The following EPHA2 variants were observed in gnomAD, a reference collection of about 807,000 sequenced individuals.
The protein encoded by EPHA2 is EPH receptor A2.
In EPHA2, 54 loss-of-function variants were observed where a neutral mutation model predicts 104.9. The ratio of observed to expected loss-of-function variants is 0.51; its 90% CI spans 0.41 to 0.65. EPHA2 has a LOEUF of 0.65. Among genes scored for constraint, EPHA2 ranks in the 30% least tolerant of loss-of-function variants. EPHA2 has a pLI of 0.00. For missense variants in EPHA2, 1,117 were observed against 1,369.5 expected, an observed-to-expected ratio of 0.82 and a Z score of 2.91; for synonymous variants, 560 against 559.1, an observed-to-expected ratio of 1.00 and a Z score of -0.02.
In EPHA2 at chr1:16,131,871, C is replaced by G; in HGVS notation, c.2326-1G>C. 1 of 1,613,546 alleles carries G rather than the reference C, an allele frequency of 6.2e-7. No homozygotes were observed. The highest frequency in any genetic ancestry group is 8.5e-7 in the Non-Finnish European group (1 of 1,179,856). The stretch of plus-strand genomic sequence containing the variant: ...TCCAGCGGATGGGGATCTTGCCGCC[C>G]TGCAGGGAACCCAGGCCCAGTCACC... On this transcript the variant is annotated splice_acceptor_variant, in intron 13 of 16. Coordinates refer to ENST00000358432, the MANE Select transcript of EPHA2 (RefSeq NM_004431.5). LOFTEE classifies it high-confidence loss of function. This position sits in a 1 kb window ranked among gnomAD's most constrained non-coding sequence, Gnocchi z 5.2.
At chr1:16,153,188 T>A (rs1250663486) in intron 1 of EPHA2, 11 of 984,778 alleles carry the variant, frequency 1.1e-5, no homozygotes, top group Non-Finnish European at 1.2e-5. Flanking sequence ...GTAAGTGCCA[T>A]CTTTGTGGGT....
In EPHA2 at chr1:16,137,445, A is replaced by G. The variant is rs1001775358; in HGVS notation, c.1312+408T>C. Among the ~76,000 whole-genome samples the G allele has an allele frequency of 1.5e-4, 23 of 151,968 alleles. 1 individual carries two copies. Among genetic ancestry groups the G allele is most frequent in the Admixed American group, 3.9e-4 (6 of 15,246 alleles). ...AACCCTGTCTCTCCTAAAAATACAAAAAATTAGCTGTGTGTGGTGGCACGT... is the reference window on the plus strand; with the variant it reads ...AACCCTGTCTCTCCTAAAAATACAAGAAATTAGCTGTGTGTGGTGGCACGT... On this transcript the variant is annotated intron_variant, in intron 5 of 16. Transcript: ENST00000358432.
rs1398675313 is a variant in EPHA2 at position 16,134,067 on chromosome 1, AG to A, written c.1683-153del. ...CTTTTGCTGCCCAAGCTCCACTCTC[AG>A]GGCCGAGGGTGCGGAGAAGGCGGGT... On this transcript the variant is annotated intron_variant, in intron 8 of 16. Coordinates refer to ENST00000358432, the MANE Select transcript of EPHA2 (RefSeq NM_004431.5). This position sits in a 1 kb window ranked among gnomAD's most constrained non-coding sequence, Gnocchi z 4.5. 5 of 770,462 alleles carry A rather than the reference AG, an allele frequency of 6.5e-6. No homozygotes were observed. The African/African-American group carries it at 8.8e-5, about 14-fold the overall frequency. 47.7% of individuals were successfully genotyped at this position (770,462 alleles called of 1,614,324 possible).
At chr1:16,154,756 CAAAAAAAAAAAAAAA>C (rs558609049) in intron 1 of EPHA2, among the ~76,000 whole-genome samples, 1 of 66,872 alleles carries the variant, frequency 1.5e-5, no homozygotes, top group Non-Finnish European at 2.8e-5. Flanking sequence ...AACTCCGTCT[CAAAAAAAAAAAAAAA>C]AAAAAAAAAG....
Position 16,138,291 on chromosome 1 carries a change from C to T in EPHA2, c.963G>A (p.Ala321=), listed in dbSNP as rs559558764. 4.3e-6 allele frequency: 7 copies of T among 1,613,552 alleles called. No individual in the cohort carries two copies. The highest frequency in any genetic ancestry group is 1.7e-5 in the Admixed American group (1 of 59,994). ...EGFFRAPQDP[A]SMPCTRPPSA... is the part of the protein sequence containing the mutation. ...AAGACTCACGTGTGCAAGGCATCGA[C>T]GCTGGGTCCTGAGGTGCCCGGAAGA... Residue 321 remains alanine (A), a synonymous_variant, in exon 4 of 17, where the codon GCG becomes GCA. Transcript: ENST00000358432.
At chr1:16,149,152 G>A (rs899553618) in intron 2 of EPHA2, 105 bp from the exon 3 acceptor site, 87 of 1,262,566 alleles carry the variant, frequency 6.9e-5, no homozygotes, top group South Asian at 1.4e-4. Context: ...CGTGCTCTCC[G>A]GGTTCTACGG....
intron 3 of EPHA2, among the ~76,000 whole-genome samples, chr1:16,144,578 T>C (rs1310405768): frequency 2.0e-5 from 3 of 152,140 alleles, no homozygotes; most frequent in Non-Finnish European, 2.9e-5. Context: ...TCACCACACT[T>C]GTGTCACACA....
chr1:16,128,803 C>A lies in EPHA2; in HGVS notation c.2825+631G>T, dbSNP rs2024516969. ...AAGTGGCACTTCTCACCAGGTGGGA[C>A]TGCAGGCTGAGAGCCAACCAAGTGG... On this transcript the variant is annotated intron_variant, in intron 16 of 16. Coordinates refer to ENST00000358432, the MANE Select transcript of EPHA2 (RefSeq NM_004431.5). The surrounding 1 kb of genome is among the most constrained non-coding windows in gnomAD (Gnocchi z 4.7). 6.6e-6 allele frequency among the ~76,000 whole-genome samples: 1 copy of A among 152,146 alleles called. No homozygotes were observed. Among genetic ancestry groups the A allele is most frequent in the Non-Finnish European group, 1.5e-5 (1 of 68,008 alleles).
chr1:16,136,867 C>T (rs1320071736), intron 5 of EPHA2, among the ~76,000 whole-genome samples: 4 of 150,136 alleles, frequency 2.7e-5, no homozygotes, highest in Admixed American at 6.6e-5. Context: ...GGTGCGATCT[C>T]GGCTCACCGC....
In EPHA2 at chr1:16,128,687, C is replaced by T. The variant is rs1308323574; in HGVS notation, c.2825+747G>A. ...GGAGGTGTCTGTGCCAAGGCCATGC[C>T]GGGAAAAGTCTCAATGCTGGAGTTG... is the stretch of plus-strand genomic sequence containing the variant. On this transcript the variant is annotated intron_variant, in intron 16 of 16. Coordinates refer to ENST00000358432, the MANE Select transcript of EPHA2 (RefSeq NM_004431.5). The surrounding 1 kb of genome is among the most constrained non-coding windows in gnomAD (Gnocchi z 4.7). Among the ~76,000 whole-genome samples the T allele has an allele frequency of 6.6e-6, 1 of 152,104 alleles. No individual in the cohort carries two copies. Among genetic ancestry groups the T allele is most frequent in the African/African-American group, 2.4e-5 (1 of 41,422 alleles).
rs773916211 is a variant in EPHA2, at chr1:16,150,927, A to G, written c.122T>C (p.Leu41Pro). 3.1e-6 allele frequency: 5 copies of G among 1,614,062 alleles called. No individual in the cohort carries two copies. The Admixed American group carries it at 8.3e-5, about 27-fold the overall frequency. ...GCCATACGGGTGTGTGAGCCAGCCG[A>G]GCTCCCCTCCAGCTGCAGCAAAGTC... The part of the protein sequence containing the change: ...LLDFAAAGGE[L>P]GWLTHPYGKG... Residue 41 changes from leucine (L) to proline (P), a missense_variant, in exon 2 of 17, where the codon CTC becomes CCC. Physicochemically the swap from Leu to Pro is moderately conservative, Grantham distance 98. Transcript: ENST00000358432. This position sits in a 1 kb window ranked among gnomAD's most constrained non-coding sequence, Gnocchi z 4.8.
intron 3 of EPHA2, among the ~76,000 whole-genome samples, chr1:16,140,514 CA>C (rs1178839310): frequency 1.3e-5 from 2 of 152,182 alleles, no homozygotes; most frequent in Non-Finnish European, 2.9e-5. Context: ...TGAGGAGAGA[CA>C]AAAAAGCTTG....
intron 5 of EPHA2, among the ~76,000 whole-genome samples, chr1:16,136,734 G>GAAA (rs1345362565): frequency 1.4e-5 from 2 of 146,926 alleles, no homozygotes; most frequent in Non-Finnish European, 1.5e-5. Flanking sequence ...AGAAGAAGAA[G>GAAA]AAGAAGAAGA....
At position 16,134,089 on chromosome 1, in the gene EPHA2, C is replaced by T. The variant is rs1276257125; in HGVS notation, c.1683-174G>A. On this transcript the variant is annotated intron_variant, in intron 8 of 16. Coordinates refer to ENST00000358432, the MANE Select transcript of EPHA2 (RefSeq NM_004431.5). The surrounding 1 kb of genome is among the most constrained non-coding windows in gnomAD (Gnocchi z 4.5). ...CTCAGGGCCGAGGGTGCGGAGAAGG[C>T]GGGTGGAGGAACAGGGAGGAAGTGA... Among the ~76,000 whole-genome samples, 2 of 152,164 alleles carry T rather than the reference C, an allele frequency of 1.3e-5. No homozygotes were observed. The highest frequency in any genetic ancestry group is 2.4e-5 in the African/African-American group (1 of 41,532).
chr1:16,138,310 C>T lies in EPHA2; in HGVS notation c.944G>A (p.Arg315Gln), dbSNP rs139176878. The T allele has an allele frequency of 2.2e-3, 3,486 of 1,613,516 alleles. 10 individuals carry two copies. Among genetic ancestry groups the T allele is most frequent in the Non-Finnish European group, 2.8e-3 (3,285 of 1,179,862 alleles). Residue 315 changes from arginine (R) to glutamine (Q), a missense_variant, in exon 4 of 17, where the codon CGG becomes CAG. Arg to Gln is a conservative substitution (Grantham distance 43, BLOSUM62 1). Coordinates refer to ENST00000358432, the MANE Select transcript of EPHA2 (RefSeq NM_004431.5). ...CATCGACGCTGGGTCCTGAGGTGCC[C>T]GGAAGAAGCCTTCCTCACACTCGCA... ...TSCECEEGFF[R>Q]APQDPASMPC...
rs2124213568 is a variant in EPHA2, at chr1:16,135,102, G to A, written c.1516C>T (p.Gln506Ter). 3 of 1,613,924 alleles carry A rather than the reference G, an allele frequency of 1.9e-6. No homozygotes were observed. The highest frequency in any genetic ancestry group is 2.5e-6 in the Non-Finnish European group (3 of 1,180,020). The stretch of plus-strand genomic sequence containing the variant: ...CCCTCCTGCGTCAGTGCCTGCACCT[G>A]GACCAGGTAGGTGGTGTCTGGGGCC... ...DLAPDTTYLV[Q>*]VQALTQEGQG... Residue 506 changes from glutamine (Q) to a stop codon, truncating the protein, a stop_gained, in exon 7 of 17, where the codon CAG becomes TAG. Coordinates refer to ENST00000358432, the MANE Select transcript of EPHA2 (RefSeq NM_004431.5). LOFTEE classifies it high-confidence loss of function. The surrounding 1 kb of genome is among the most constrained non-coding windows in gnomAD (Gnocchi z 4.3).
chr1:16,128,979 G>A lies in EPHA2; in HGVS notation c.2825+455C>T, dbSNP rs543073577. ...TACCAATGACCTCTCCGATCCCTGC[G>A]CTCTGGGATCCCGACTGACTGGGCC... is the stretch of plus-strand genomic sequence containing the variant. On this transcript the variant is annotated intron_variant, in intron 16 of 16. Transcript: ENST00000358432. This position sits in a 1 kb window ranked among gnomAD's most constrained non-coding sequence, Gnocchi z 4.7. 3.3e-5 allele frequency among the ~76,000 whole-genome samples: 5 copies of A among 151,920 alleles called. No homozygotes were observed. Among genetic ancestry groups the A allele is most frequent in the East Asian group, 2.0e-4 (1 of 5,128 alleles).
At position 16,150,755 on chromosome 1, in the gene EPHA2, A is replaced by G; in HGVS notation, c.153+141T>C. The G allele has an allele frequency of 2.1e-6, 2 of 953,556 alleles. No individual in the cohort carries two copies. The highest frequency in any genetic ancestry group is 1.6e-6 in the Non-Finnish European group (1 of 608,498). 59.1% of individuals were successfully genotyped at this position (953,556 alleles called of 1,614,324 possible). On this transcript the variant is annotated intron_variant, in intron 2 of 16. Coordinates refer to ENST00000358432, the MANE Select transcript of EPHA2 (RefSeq NM_004431.5). The surrounding 1 kb of genome is among the most constrained non-coding windows in gnomAD (Gnocchi z 4.8). ...GGCTGACTCTGAGCCTGGTGTGAGA[A>G]GCTGGACCCTGAGCCTGAGACCTGG...
intron 1 of EPHA2, among the ~76,000 whole-genome samples, chr1:16,153,546 T>C (rs1178152949): frequency 1.3e-5 from 2 of 152,088 alleles, no homozygotes; most frequent in Non-Finnish European, 2.9e-5. Context: ...AAATCTACCA[T>C]GACACCAACC....
Sources: allele counts gnomAD v4.1 joint callset (sites outside exome capture counted in the v4.1 genomes callset), GRCh38; gene constraint gnomAD v4.1.1; non-coding constraint Gnocchi (gnomAD v3.1); transcripts MANE v1.5; gene names NCBI Gene and HGNC (gene_info 2026-07-23, HGNC 2026-07-21).